Variants in ZMIZ1 observed in about 807,000 individuals in gnomAD.
ZMIZ1 encodes the protein zinc finger MIZ-type containing 1, also known as zinc finger MIZ domain-containing protein 1.
A neutral mutation model predicts 113.9 loss-of-function variants in ZMIZ1; 17 were observed. The ratio of observed to expected loss-of-function variants is 0.15; its 90% confidence interval spans 0.10 to 0.22. ZMIZ1 has a LOEUF of 0.22. ZMIZ1 is among the 10% of genes least tolerant of loss of function. The probability of loss-of-function intolerance (pLI) is 1.00; values close to 1 mark genes in which losing one functional copy is unlikely to be tolerated. For missense variants in ZMIZ1, 1,059 were observed against 1,477.8 expected, an observed-to-expected ratio of 0.72 and a Z score of 4.65; for synonymous variants, 607 against 603.1, an observed-to-expected ratio of 1.01 and a Z score of -0.09.
At chr10:79,154,384 C>T (rs1845822190) in intron 3 of ZMIZ1, among the ~76,000 whole-genome samples, 1 of 152,132 alleles carries the variant, frequency 6.6e-6, no homozygotes, top group South Asian at 2.1e-4. Context: ...GATGGGGTGC[C>T]CTCTAGGGCA....
At chr10:79,187,251 CA>C (rs1847387432) in intron 4 of ZMIZ1, among the ~76,000 whole-genome samples, 1 of 152,224 alleles carries the variant, frequency 6.6e-6, no homozygotes, top group South Asian at 2.1e-4. Flanking sequence ...GTAGTCACAC[CA>C]CAATATGGCC....
chr10:79,227,202 C>A (rs146267966), intron 7 of ZMIZ1, among the ~76,000 whole-genome samples: 42 of 152,292 alleles, frequency 2.8e-4, no homozygotes, highest in Non-Finnish European at 5.3e-4. Context: ...GATTTGAGAG[C>A]TGCCAAAGAT....
At chr10:79,107,492 T>C (rs58341135) in intron 1 of ZMIZ1, among the ~76,000 whole-genome samples, 5,170 of 152,164 alleles carry the variant, frequency 0.034, 267 homozygotes, top group African/African-American at 0.11. Context: ...CAGAGGTGGA[T>C]TGATCAGAGT....
At position 79,314,061 on chromosome 10, in the gene ZMIZ1, G is replaced by C. The variant is rs1341627047; in HGVS notation, c.*1312G>C. The C allele has an allele frequency of 4.4e-6, 2 of 456,784 alleles. No homozygotes were observed. Among genetic ancestry groups the C allele is most frequent in the African/African-American group, 4.0e-5 (2 of 50,080 alleles). 28.3% of individuals were successfully genotyped at this position (456,784 alleles called of 1,614,324 possible). On this transcript the variant is annotated 3_prime_UTR_variant, in exon 25 of 25. Coordinates refer to ENST00000334512, the MANE Select transcript of ZMIZ1 (RefSeq NM_020338.4). ...CCCCAGACACTGCCCTTGGCTGCCAGCCTACCCTGCCTGCACTCCTCCACC... is the reference window on the plus strand; with the variant it reads ...CCCCAGACACTGCCCTTGGCTGCCACCCTACCCTGCCTGCACTCCTCCACC...
intron 4 of ZMIZ1, among the ~76,000 whole-genome samples, chr10:79,163,457 A>G (rs756590216): frequency 3.3e-5 from 5 of 152,266 alleles, no homozygotes; most frequent in Non-Finnish European, 5.9e-5. Flanking sequence ...GATGCTTAGA[A>G]GCCATGAATA....
At chr10:79,301,012 A>C (rs1589601133) in intron 17 of ZMIZ1, 70 bp downstream of exon 17, 1 of 1,567,800 alleles carries the variant, frequency 6.4e-7, no homozygotes, top group East Asian at 2.3e-5. Context: ...AGTGCGGAAT[A>C]CCCTGCCCCA....
intron 8 of ZMIZ1, among the ~76,000 whole-genome samples, chr10:79,287,453 A>G (rs960816191): frequency 8.5e-5 from 13 of 152,386 alleles, no homozygotes; most frequent in African/African-American, 2.6e-4. Flanking sequence ...CAGTTTCCCC[A>G]GAAATCACGA....
At chr10:79,281,814 G>T (rs1564578829) in intron 8 of ZMIZ1, among the ~76,000 whole-genome samples, 1 of 152,238 alleles carries the variant, frequency 6.6e-6, no homozygotes, top group Non-Finnish European at 1.5e-5. Context: ...GAGTAGGAAA[G>T]TGAATTGCCC....
intron 1 of ZMIZ1, among the ~76,000 whole-genome samples, chr10:79,114,126 C>CAG (rs1373415619): frequency 6.6e-6 from 1 of 152,124 alleles, no homozygotes; most frequent in African/African-American, 2.4e-5. Flanking sequence ...TTCTATCCAG[C>CAG]GGCAGACTTC....
rs1853925203 is a variant in ZMIZ1 at position 79,296,774 on chromosome 10, G to A, written c.1413+121G>A. The A allele has an allele frequency of 2.9e-6, 3 of 1,042,666 alleles. No homozygotes were observed. The highest frequency in any genetic ancestry group is 4.0e-6 in the Non-Finnish European group (3 of 747,932). 64.6% of individuals were successfully genotyped at this position (1,042,666 alleles called of 1,614,324 possible). A position where few individuals can be genotyped will look rare whatever the true frequency, so the allele number is the denominator to read the frequency against. ...TTGCCCCAAGGACAGCGAGGGGTGG[G>A]TGATTTCTGAACGTCCCCATGTGTT... is the stretch of plus-strand genomic sequence containing the variant. On this transcript the variant is annotated intron_variant, in intron 13 of 24. Transcript: ENST00000334512. The surrounding 1 kb of genome is among the most constrained non-coding windows in gnomAD (Gnocchi z 4.1).
chr10:79,249,729 C>A (rs1251477616), intron 7 of ZMIZ1, among the ~76,000 whole-genome samples: 1 of 152,184 alleles, frequency 6.6e-6, no homozygotes, highest in African/African-American at 2.4e-5. Context: ...GTAGAAAGAT[C>A]TGTTGGCAGT....
At chr10:79,092,649 G>T (rs1843021281) in intron 1 of ZMIZ1, among the ~76,000 whole-genome samples, 1 of 152,174 alleles carries the variant, frequency 6.6e-6, no homozygotes, top group African/African-American at 2.4e-5. Context: ...TGACTTCTAG[G>T]CCCATTTGAC....
At chr10:79,196,884 C>A (rs1287375579) in intron 4 of ZMIZ1, among the ~76,000 whole-genome samples, 1 of 152,228 alleles carries the variant, frequency 6.6e-6, no homozygotes, top group Non-Finnish European at 1.5e-5. Context: ...AAACCAAGGC[C>A]AGGAAACCAG....
chr10:79,190,213 A>T (rs1317017832), intron 4 of ZMIZ1, among the ~76,000 whole-genome samples: 1 of 152,118 alleles, frequency 6.6e-6, no homozygotes, highest in African/African-American at 2.4e-5. Flanking sequence ...GGCGGCTTGG[A>T]GCTCCCCAGG....
intron 4 of ZMIZ1, among the ~76,000 whole-genome samples, chr10:79,196,332 G>T (rs1221231059): frequency 1.3e-5 from 2 of 152,140 alleles, no homozygotes; most frequent in Non-Finnish European, 2.9e-5. Flanking sequence ...TCACCCCTCG[G>T]TTCCTGTGAG....
intron 7 of ZMIZ1, among the ~76,000 whole-genome samples, chr10:79,253,569 A>C (rs1217015738): frequency 6.6e-6 from 1 of 152,154 alleles, no homozygotes; most frequent in Non-Finnish European, 1.5e-5. Context: ...AGGGGTGGGA[A>C]CTGAGGGTCA....
intron 2 of ZMIZ1, among the ~76,000 whole-genome samples, chr10:79,128,975 A>T (rs1844634964): frequency 6.6e-6 from 1 of 152,262 alleles, no homozygotes; most frequent in Non-Finnish European, 1.5e-5. Context: ...GATTAGCAAC[A>T]TATGCACAGT....
intron 24 of ZMIZ1, among the ~76,000 whole-genome samples, chr10:79,312,196 TGA>T (rs1855217038): frequency 2.0e-5 from 3 of 152,188 alleles, no homozygotes; most frequent in Admixed American, 6.5e-5. Context: ...GGCGAGCCCT[TGA>T]GAAGAGGGAT....
At chr10:79,252,041 G>T (rs1469755140) in intron 7 of ZMIZ1, among the ~76,000 whole-genome samples, 3 of 152,156 alleles carry the variant, frequency 2.0e-5, no homozygotes, top group Non-Finnish European at 4.4e-5. Context: ...GTAAGCTCAG[G>T]CTCTGGCTTC....
Sources: gnomAD v4.1 joint callset for allele counts (sites outside exome capture counted in the v4.1 genomes callset) on GRCh38, gnomAD v4.1.1 for gene constraint, Gnocchi (gnomAD v3.1) non-coding constraint, MANE v1.5 for transcripts, NCBI Gene and HGNC (gene_info 2026-07-23, HGNC 2026-07-21) for gene names.